MALRD1: variants seen among roughly 807,000 people sequenced by gnomAD.
The protein encoded by MALRD1 is MAM and LDL receptor class A domain containing 1.
Under a neutral mutation model 242.1 loss-of-function variants are expected in MALRD1, and 247 were observed. The observed-to-expected ratio is 1.02, with a 90% CI of 0.92 to 1.13. MALRD1 has a LOEUF of 1.13. Ranked by LOEUF, MALRD1 falls within the 50% of genes most tolerant of loss-of-function variation. MALRD1 has a pLI of 0.00. For synonymous variants in MALRD1, 995 were observed against 866.6 expected (o/e 1.15, Z -2.60); for missense variants, 2,989 against 2,533.1 (o/e 1.18, Z -3.86).
chr10:19,145,503 G>A (rs946156090), intron 10 of MALRD1, among the ~76,000 whole-genome samples: 1 of 151,864 alleles, frequency 6.6e-6, no homozygotes, highest in Non-Finnish European at 1.5e-5. Flanking sequence ...AAAAATATCC[G>A]AGCATCGTTG....
Position 19,668,838 on chromosome 10 carries a change from G to A in MALRD1, c.6138-23444G>A, listed in dbSNP as rs78104712. On this transcript the variant is annotated intron_variant, in intron 36 of 39. Transcript: ENST00000454679. ...AAGAAAATTTAAGGGTCAATTCAGA[G>A]GGTTCAATATCCAAATAGTAGAAAT... Among the ~76,000 whole-genome samples, 677 of 152,200 alleles carry A rather than the reference G, an allele frequency of 4.4e-3. 6 individuals are homozygous for A. Among genetic ancestry groups the A allele is most frequent in the African/African-American group, 0.015 (619 of 41,536 alleles).
intron 38 of MALRD1, among the ~76,000 whole-genome samples, chr10:19,704,823 A>G (rs545760759): frequency 6.6e-6 from 1 of 152,340 alleles, no homozygotes; most frequent in Non-Finnish European, 1.5e-5. Context: ...AGAATGATCA[A>G]GAGAATGATG....
intron 12 of MALRD1, among the ~76,000 whole-genome samples, chr10:19,159,514 G>A (rs1407364999): frequency 6.6e-6 from 1 of 151,938 alleles, no homozygotes; most frequent in African/African-American, 2.4e-5. Context: ...AATCGAGAAT[G>A]GCCATGAAGA....
rs142576594 is a variant in MALRD1 at position 19,511,312 on chromosome 10, C to T, written c.5320+12666C>T. 2.2e-3 allele frequency among the ~76,000 whole-genome samples: 338 copies of T among 152,182 alleles called. 1 individual carries two copies. The highest frequency in any genetic ancestry group is 6.8e-3 in the Middle Eastern group (2 of 292). ...ACATGGAGTCAAAAAGATCAGCACA[C>T]GGCTGATCTTTAAATTCTCTACAAA... On this transcript the variant is annotated intron_variant, in intron 31 of 39. Coordinates refer to ENST00000454679, the MANE Select transcript of MALRD1 (RefSeq NM_001142308.3).
rs1837694551 is a variant in MALRD1 at position 19,590,258 on chromosome 10, T to C, written c.5681-4936T>C. Among the ~76,000 whole-genome samples the C allele has an allele frequency of 1.3e-5, 2 of 148,622 alleles. 1 individual carries two copies. The highest frequency in any genetic ancestry group is 4.2e-4 in the South Asian group (2 of 4,808). On this transcript the variant is annotated intron_variant, in intron 33 of 39. Coordinates refer to ENST00000454679, the MANE Select transcript of MALRD1 (RefSeq NM_001142308.3). ...AGGAATATTGGTGGTGATATATATA[T>C]AATATATGTATATATACATATTTTA...
chr10:19,141,232 G>A (rs968300283), intron 10 of MALRD1, among the ~76,000 whole-genome samples: 5 of 152,074 alleles, frequency 3.3e-5, no homozygotes, highest in Non-Finnish European at 7.4e-5. Flanking sequence ...TCAGACACAC[G>A]CTACAACATG....
At chr10:19,140,106 G>T (rs1426839376) in intron 10 of MALRD1, among the ~76,000 whole-genome samples, 1 of 152,012 alleles carries the variant, frequency 6.6e-6, no homozygotes, top group African/African-American at 2.4e-5. Context: ...AATCCTGTTA[G>T]AATCTAATAT....
At chr10:19,069,116 G>A (rs1835064683) in intron 2 of MALRD1, among the ~76,000 whole-genome samples, 1 of 151,688 alleles carries the variant, frequency 6.6e-6, no homozygotes. Context: ...GTGAAAAAGG[G>A]GTTTTTAAAT....
chr10:19,533,431 A>T (rs1289344635), intron 32 of MALRD1, among the ~76,000 whole-genome samples: 1 of 152,020 alleles, frequency 6.6e-6, no homozygotes, highest in Admixed American at 6.6e-5. Context: ...TTTCTGTAGC[A>T]ACAGTCTTGG....
At chr10:19,397,063 C>G (rs1005885433) in intron 28 of MALRD1, among the ~76,000 whole-genome samples, 5 of 152,084 alleles carry the variant, frequency 3.3e-5, no homozygotes, top group Non-Finnish European at 5.9e-5. Context: ...GTAATTAGCT[C>G]ATCTATAACC....
chr10:19,278,972 A>G (rs1008543457), intron 19 of MALRD1, among the ~76,000 whole-genome samples: 4 of 152,218 alleles, frequency 2.6e-5, no homozygotes, highest in African/African-American at 9.6e-5. Context: ...ACGATTCACC[A>G]CCAAACTGGG....
At chr10:19,418,651 A>G (rs1403481487) in intron 28 of MALRD1, among the ~76,000 whole-genome samples, 1 of 152,206 alleles carries the variant, frequency 6.6e-6, no homozygotes, top group Non-Finnish European at 1.5e-5. Context: ...AAATTAAGAC[A>G]TCATATTTTA....
At chr10:19,636,678 C>A (rs939162808) in intron 36 of MALRD1, among the ~76,000 whole-genome samples, 2 of 152,038 alleles carry the variant, frequency 1.3e-5, no homozygotes, top group Non-Finnish European at 2.9e-5. Flanking sequence ...GCGAGTGGAT[C>A]ACCTGAGGTC....
chr10:19,546,078 G>T (rs1411180012), intron 32 of MALRD1, among the ~76,000 whole-genome samples: 1 of 151,970 alleles, frequency 6.6e-6, no homozygotes, highest in East Asian at 1.9e-4. Context: ...TTCCCATGGT[G>T]TTCAGTATTC....
intron 21 of MALRD1, among the ~76,000 whole-genome samples, chr10:19,319,509 C>T (rs372855961): frequency 6.6e-6 from 1 of 152,032 alleles, no homozygotes; most frequent in South Asian, 2.1e-4. Context: ...GTTCTAATTC[C>T]ACTCTGTCTT....
At chr10:19,417,494 T>C (rs1833555484) in intron 28 of MALRD1, among the ~76,000 whole-genome samples, 4 of 152,178 alleles carry the variant, frequency 2.6e-5, no homozygotes, top group South Asian at 2.1e-4. Context: ...TTAATACTCA[T>C]TGAATTCCAT....
In MALRD1 at chr10:19,305,397, C is replaced by CT. The variant is rs901473593; in HGVS notation, c.3420-18544dup. Among the ~76,000 whole-genome samples the CT allele has an allele frequency of 4.6e-5, 7 of 151,432 alleles. No homozygotes were observed. In the South Asian group the frequency reaches 1.0e-3, roughly 22 times the overall value. ...AGGTTTTCAGGTTATGACTTGACAA[C>CT]TTTTTTTTGTTTCTGTGCATTTTGA... On this transcript the variant is annotated intron_variant, in intron 21 of 39. Coordinates refer to ENST00000454679, the MANE Select transcript of MALRD1 (RefSeq NM_001142308.3).
intron 38 of MALRD1, among the ~76,000 whole-genome samples, chr10:19,717,481 T>A (rs1039632634): frequency 6.6e-6 from 1 of 152,178 alleles, no homozygotes; most frequent in Admixed American, 6.5e-5. Context: ...AGTTTTCCCC[T>A]CCATAACATC....
chr10:19,590,348 TA>T (rs1837704744), intron 33 of MALRD1, among the ~76,000 whole-genome samples: 2 of 147,994 alleles, frequency 1.4e-5, no homozygotes, highest in South Asian at 4.2e-4. Context: ...GTACATATTT[TA>T]TATAATATAT....
Sources: allele counts gnomAD v4.1 joint callset (sites outside exome capture counted in the v4.1 genomes callset), GRCh38; gene constraint gnomAD v4.1.1; transcripts MANE v1.5; gene names NCBI Gene and HGNC (gene_info 2026-07-23, HGNC 2026-07-21).